NRXN3: variants seen among roughly 807,000 people sequenced by gnomAD.
NRXN3 encodes neurexin III.
A neutral mutation model predicts 137.6 loss-of-function variants in NRXN3; 32 were observed. That is an observed-to-expected ratio of 0.23 (90% CI 0.18 to 0.31). The LOEUF (loss-of-function observed/expected upper bound fraction) is 0.31. Among genes scored for constraint, NRXN3 ranks in the 10% least tolerant of loss-of-function variants. NRXN3 has a pLI of 1.00. For synonymous variants in NRXN3, 798 were observed against 784.5 expected (o/e 1.02, Z -0.29); for missense variants, 1,574 against 2,062.5 (o/e 0.76, Z 4.59).
intron 15 of NRXN3, among the ~76,000 whole-genome samples, chr14:79,407,306 G>A (rs558525697): frequency 6.6e-6 from 1 of 152,166 alleles, no homozygotes; most frequent in Admixed American, 6.5e-5. Flanking sequence ...GAGATTAATA[G>A]ATATAATCAT....
At chr14:78,930,822 T>C (rs778910119) in intron 10 of NRXN3, among the ~76,000 whole-genome samples, 1 of 152,296 alleles carries the variant, frequency 6.6e-6, no homozygotes, top group South Asian at 2.1e-4. Flanking sequence ...ATCTTCTAGG[T>C]ATATCTATCC....
intron 15 of NRXN3, among the ~76,000 whole-genome samples, chr14:79,041,686 C>T (rs140151012): frequency 1.2e-4 from 18 of 152,268 alleles, no homozygotes; most frequent in African/African-American, 3.4e-4. Context: ...GAACATTAAA[C>T]TTAAGCAGGA....
chr14:78,433,339 T>C (rs2093956247), intron 4 of NRXN3, among the ~76,000 whole-genome samples: 3 of 152,184 alleles, frequency 2.0e-5, no homozygotes, highest in Admixed American at 2.0e-4. Flanking sequence ...CTGGTGAAAA[T>C]GCTCTGCCTT....
At position 79,538,850 on chromosome 14, in the gene NRXN3, C is replaced by T. The variant is rs545006276; in HGVS notation, c.3444+71448C>T. 3.3e-5 allele frequency among the ~76,000 whole-genome samples: 5 copies of T among 152,236 alleles called. No homozygotes were observed. In the East Asian group the frequency reaches 7.7e-4, roughly 24 times the overall value. ...GATGAAATCACATTACTTATAATGTCGAATTCCTCTGTCAATGCTTATATG... is the reference window on the plus strand; with the variant it reads ...GATGAAATCACATTACTTATAATGTTGAATTCCTCTGTCAATGCTTATATG... On this transcript the variant is annotated intron_variant, in intron 16 of 20. Transcript: ENST00000335750.
chr14:79,581,387 G>A (rs1009990139), intron 16 of NRXN3, among the ~76,000 whole-genome samples: 14 of 152,050 alleles, frequency 9.2e-5, no homozygotes, highest in African/African-American at 3.4e-4. Context: ...GCATTTCTTG[G>A]TTACCTGTTT....
chr14:79,571,562 C>T (rs1272862067), intron 16 of NRXN3, among the ~76,000 whole-genome samples: 8 of 152,154 alleles, frequency 5.3e-5, no homozygotes, highest in Non-Finnish European at 7.3e-5. Flanking sequence ...CAATGAATGC[C>T]TGGGCCTTTG....
intron 11 of NRXN3, among the ~76,000 whole-genome samples, chr14:78,963,976 C>A (rs1314410966): frequency 6.6e-6 from 1 of 151,848 alleles, no homozygotes; most frequent in Non-Finnish European, 1.5e-5. Flanking sequence ...GCTATATTGC[C>A]CAGGCTGGTC....
At chr14:79,136,074 A>G (rs573686346) in intron 15 of NRXN3, among the ~76,000 whole-genome samples, 1 of 152,306 alleles carries the variant, frequency 6.6e-6, no homozygotes, top group South Asian at 2.1e-4. Flanking sequence ...TTATAGTCAC[A>G]AAGCAAGAGA....
intron 8 of NRXN3, among the ~76,000 whole-genome samples, chr14:78,743,925 G>T: frequency 6.6e-6 from 1 of 152,160 alleles, no homozygotes; most frequent in East Asian, 1.9e-4. Flanking sequence ...CAAAGAGAAA[G>T]CTATTGCAGT....
intron 4 of NRXN3, among the ~76,000 whole-genome samples, chr14:78,509,599 C>T (rs984424518): frequency 6.6e-6 from 1 of 152,090 alleles, no homozygotes; most frequent in African/African-American, 2.4e-5. Context: ...TCTCTATTGA[C>T]CACAGACTTG....
At chr14:79,628,785 A>G (rs1241996617) in intron 16 of NRXN3, among the ~76,000 whole-genome samples, 1 of 152,204 alleles carries the variant, frequency 6.6e-6, no homozygotes, top group African/African-American at 2.4e-5. Flanking sequence ...GAGCCAGTTG[A>G]CATGTTCTGT....
intron 1 of NRXN3, among the ~76,000 whole-genome samples, chr14:78,209,287 G>A (rs768150328): frequency 2.0e-5 from 3 of 152,258 alleles, no homozygotes; most frequent in Admixed American, 6.5e-5. Flanking sequence ...AGAACCTGAG[G>A]TAAAGGAGAG....
chr14:79,433,018 C>T (rs1054137133), intron 15 of NRXN3, among the ~76,000 whole-genome samples: 2 of 152,094 alleles, frequency 1.3e-5, no homozygotes, highest in Admixed American at 1.3e-4. Context: ...TTTCTTGTTA[C>T]CTTTTGGTTT....
intron 7 of NRXN3, among the ~76,000 whole-genome samples, chr14:78,712,292 T>C (rs1410213224): frequency 1.3e-5 from 2 of 152,122 alleles, no homozygotes; most frequent in East Asian, 1.9e-4. Context: ...CTTTGTAAGA[T>C]AGAGAAAATA....
At chr14:79,157,704 C>T (rs2060379315) in intron 15 of NRXN3, among the ~76,000 whole-genome samples, 1 of 151,734 alleles carries the variant, frequency 6.6e-6, no homozygotes, top group Admixed American at 6.6e-5. Flanking sequence ...ACTCAAAATT[C>T]ATATTGATCA....
intron 19 of NRXN3, among the ~76,000 whole-genome samples, chr14:79,710,841 A>G (rs1485262676): frequency 6.6e-6 from 1 of 152,184 alleles, no homozygotes; most frequent in Admixed American, 6.5e-5. Flanking sequence ...TAAGTGCAAG[A>G]CTTTGGAGAA....
chr14:79,471,070 C>A (rs2153621572), intron 16 of NRXN3, among the ~76,000 whole-genome samples: 1 of 151,480 alleles, frequency 6.6e-6, no homozygotes, highest in Admixed American at 6.6e-5. Context: ...CTAGAAATTC[C>A]TGAAGTGTTT....
rs558592558 is a variant in NRXN3, at chr14:79,741,842, C to T, written c.4014+43905C>T. Among the ~76,000 whole-genome samples, 5 of 151,240 alleles carry T rather than the reference C, an allele frequency of 3.3e-5. No individual in the cohort carries two copies. In the South Asian group the frequency reaches 6.3e-4, roughly 19 times the overall value. On this transcript the variant is annotated intron_variant, in intron 19 of 20. Coordinates refer to ENST00000335750, the MANE Select transcript of NRXN3 (RefSeq NM_001330195.2). ...CACACACACACACAGAGTATGTATA[C>T]GTATATATCTGTATATAGGTAAGTG...
In NRXN3 at chr14:78,494,629, AGGAT is replaced by A. The variant is rs1391901992; in HGVS notation, c.758-150490_758-150487del. On this transcript the variant is annotated intron_variant, in intron 4 of 20. Transcript: ENST00000335750. ...CCACAAACTAATGTCTGAATTACTT[AGGAT>A]ACATCCCTCTGTCTAGAGCCAGCCC... 3.3e-5 allele frequency among the ~76,000 whole-genome samples: 5 copies of A among 152,286 alleles called. No individual in the cohort carries two copies. In the South Asian group the frequency reaches 1.0e-3, roughly 32 times the overall value.
Sources: allele counts gnomAD v4.1 joint callset (sites outside exome capture counted in the v4.1 genomes callset), GRCh38; gene constraint gnomAD v4.1.1; transcripts MANE v1.5; gene names NCBI Gene and HGNC (gene_info 2026-07-23, HGNC 2026-07-21).